The following SLC35F3 variants were observed in gnomAD, a reference collection of about 807,000 sequenced individuals.
The protein encoded by SLC35F3 is putative thiamine transporter SLC35F3.
SLC35F3 carries 25 observed loss-of-function variants against 49.9 expected under a neutral mutation model. That is an observed-to-expected ratio of 0.50 (90% confidence interval 0.37 to 0.70). SLC35F3 has a LOEUF of 0.70. Ranked by LOEUF, SLC35F3 falls within the 30% of genes least tolerant of loss-of-function variation. The pLI, the probability that SLC35F3 is intolerant of heterozygous loss-of-function variation, is 0.00. For missense variants in SLC35F3, 525 were observed against 639.8 expected, an observed-to-expected ratio of 0.82 and a Z score of 1.94; for synonymous variants, 275 against 265.4, an observed-to-expected ratio of 1.04 and a Z score of -0.35.
At chr1:234,136,558 C>A (rs537097617) in intron 2 of SLC35F3, among the ~76,000 whole-genome samples, 3 of 152,314 alleles carry the variant, frequency 2.0e-5, no homozygotes, top group Admixed American at 2.0e-4. Context: ...ATTCACTAAA[C>A]AGATATTCCC....
intron 2 of SLC35F3, among the ~76,000 whole-genome samples, chr1:233,950,201 A>G (rs1319266429): frequency 2.0e-5 from 3 of 151,908 alleles, no homozygotes; most frequent in Non-Finnish European, 4.4e-5. Flanking sequence ...CCTGGCTAAC[A>G]TGGTGAAACC....
chr1:234,026,036 A>G (rs186705453), intron 2 of SLC35F3, among the ~76,000 whole-genome samples: 1 of 152,340 alleles, frequency 6.6e-6, no homozygotes, highest in East Asian at 1.9e-4. Context: ...CAGTTATCCC[A>G]GCACCATTTA....
intron 2 of SLC35F3, among the ~76,000 whole-genome samples, chr1:234,010,180 A>G (rs1228732565): frequency 6.6e-6 from 1 of 152,206 alleles, no homozygotes; most frequent in South Asian, 2.1e-4. Context: ...TTGTCAAGAT[A>G]CAGATTACAA....
At chr1:234,036,968 A>G (rs967573591) in intron 2 of SLC35F3, among the ~76,000 whole-genome samples, 2 of 152,210 alleles carry the variant, frequency 1.3e-5, no homozygotes, top group Non-Finnish European at 2.9e-5. Context: ...TCTTGGACAC[A>G]ATCTATAGAA....
chr1:233,999,208 T>A (rs1385748873), intron 2 of SLC35F3, among the ~76,000 whole-genome samples: 1 of 152,160 alleles, frequency 6.6e-6, no homozygotes, highest in East Asian at 1.9e-4. Context: ...CCCACGTTTT[T>A]TCCACCGCGT....
At chr1:233,970,553 A>G (rs752871403) in intron 2 of SLC35F3, among the ~76,000 whole-genome samples, 21 of 152,198 alleles carry the variant, frequency 1.4e-4, no homozygotes, top group Non-Finnish European at 7.3e-5. Context: ...TCCCAAATTC[A>G]CTTGCTGAAG....
At chr1:233,984,234 A>G (rs1663231094) in intron 2 of SLC35F3, among the ~76,000 whole-genome samples, 1 of 152,230 alleles carries the variant, frequency 6.6e-6, no homozygotes, top group South Asian at 2.1e-4. Flanking sequence ...TGCCTCTGTA[A>G]GATTTGGGCT....
chr1:234,232,752 C>G (rs1667404735), intron 3 of SLC35F3, among the ~76,000 whole-genome samples: 1 of 151,516 alleles, frequency 6.6e-6, no homozygotes, highest in East Asian at 1.9e-4. Flanking sequence ...TTAGAAGATA[C>G]AAGGTAACTA....
At chr1:234,098,625 TTGGTGGTGGTGGTGGCAGTTCAGA>T (rs1665165443) in intron 2 of SLC35F3, among the ~76,000 whole-genome samples, 2 of 146,262 alleles carry the variant, frequency 1.4e-5, no homozygotes, top group Non-Finnish European at 3.0e-5. Flanking sequence ...GGTGACTGTA[TTGGTGGTGGTGGTGGCAGTTCAGA>T]TGGTGGTGGT....
intron 2 of SLC35F3, among the ~76,000 whole-genome samples, chr1:233,948,601 G>T (rs1662555105): frequency 1.3e-5 from 2 of 149,560 alleles, no homozygotes; most frequent in African/African-American, 2.5e-5. Context: ...TAGGGTACAT[G>T]TGCACATTGT....
intron 2 of SLC35F3, among the ~76,000 whole-genome samples, chr1:233,945,635 C>G (rs1349877901): frequency 6.6e-6 from 1 of 152,174 alleles, no homozygotes; most frequent in African/African-American, 2.4e-5. Context: ...TAATAATCCC[C>G]ATGTGTCAAA....
rs574820594 is a variant in SLC35F3, at chr1:234,310,272, T to C, written c.828+952T>C. On this transcript the variant is annotated intron_variant, in intron 4 of 7. Transcript: ENST00000366618. ...AGCTAAGAGCCGGTTTGAGGGGCAG[T>C]CCCATGAAAGTAAACCCTGCTGGCC... 1.4e-3 allele frequency among the ~76,000 whole-genome samples: 209 copies of C among 152,232 alleles called. 2 individuals are homozygous for C. The highest frequency in any genetic ancestry group is 2.2e-3 in the Non-Finnish European group (151 of 68,006).
rs554454267 is a variant in SLC35F3, at chr1:234,094,875, A to G, written c.284-136542A>G. On this transcript the variant is annotated intron_variant, in intron 2 of 7. Transcript: ENST00000366618. ...CAGTCTGCCTATCTCTGTCTAGTAC[A>G]TGGGTAGACATGTGCACACATACAC... 1.1e-4 allele frequency among the ~76,000 whole-genome samples: 16 copies of G among 152,316 alleles called. No homozygotes were observed. The East Asian group carries it at 3.1e-3, about 29-fold the overall frequency.
intron 2 of SLC35F3, among the ~76,000 whole-genome samples, chr1:233,944,553 G>T (rs1236544241): frequency 6.6e-6 from 1 of 152,112 alleles, no homozygotes; most frequent in Non-Finnish European, 1.5e-5. Flanking sequence ...GTGCAGCTCG[G>T]GAGTTCCGGT....
Position 234,324,225 on chromosome 1 carries a change from G to C in SLC35F3, c.*982G>C, listed in dbSNP as rs1458003504. ...TTTTTATGAAACTTTTAAGCACCAG[G>C]CTGTTTACTTACACAATTTAGGTCT... is the stretch of plus-strand genomic sequence containing the variant. On this transcript the variant is annotated 3_prime_UTR_variant, in exon 8 of 8. Transcript: ENST00000366618. 6.6e-6 allele frequency: 1 copy of C among 152,182 alleles called. No homozygotes were observed. Among genetic ancestry groups the C allele is most frequent in the African/African-American group, 2.4e-5 (1 of 41,440 alleles). 9.4% of individuals were successfully genotyped at this position (152,182 alleles called of 1,614,324 possible).
intron 2 of SLC35F3, among the ~76,000 whole-genome samples, chr1:233,944,774 T>A (rs1333539591): frequency 6.6e-6 from 1 of 152,186 alleles, no homozygotes; most frequent in Non-Finnish European, 1.5e-5. Flanking sequence ...GTGCCCTGCT[T>A]GTTGCAGAAA....
chr1:234,243,220 T>C (rs1001357765), intron 3 of SLC35F3, among the ~76,000 whole-genome samples: 1 of 152,108 alleles, frequency 6.6e-6, no homozygotes, highest in African/African-American at 2.4e-5. Context: ...CTGGGCGTGG[T>C]GGTGCACACC....
At chr1:234,257,265 C>G (rs1331341670) in intron 3 of SLC35F3, among the ~76,000 whole-genome samples, 2 of 152,200 alleles carry the variant, frequency 1.3e-5, no homozygotes, top group Non-Finnish European at 2.9e-5. Context: ...CCAGTCTCCT[C>G]TAAATCCTTT....
chr1:234,310,268 G>T lies in SLC35F3; in HGVS notation c.828+948G>T, dbSNP rs569746022. On this transcript the variant is annotated intron_variant, in intron 4 of 7. Transcript: ENST00000366618. ...ACAAAGCTAAGAGCCGGTTTGAGGG[G>T]CAGTCCCATGAAAGTAAACCCTGCT... Among the ~76,000 whole-genome samples the T allele has an allele frequency of 3.3e-5, 5 of 152,252 alleles. No individual in the cohort carries two copies. In the East Asian group the frequency reaches 9.6e-4, roughly 29 times the overall value.
Sources: allele counts gnomAD v4.1 joint callset (sites outside exome capture counted in the v4.1 genomes callset), GRCh38; gene constraint gnomAD v4.1.1; transcripts MANE v1.5; gene names NCBI Gene and HGNC (gene_info 2026-07-23, HGNC 2026-07-21).